The following PCCA variants were observed in gnomAD, a reference collection of about 807,000 sequenced individuals.
PCCA encodes the protein propionyl-CoA carboxylase subunit alpha.
A neutral mutation model predicts 101.3 loss-of-function variants in PCCA; 74 were observed. The observed-to-expected ratio is 0.73, with a 90% CI of 0.61 to 0.89. The LOEUF is 0.89. Among genes scored for constraint, PCCA ranks in the 40% least tolerant of loss-of-function variants. PCCA has a pLI of 0.00. For missense variants in PCCA, 891 were observed against 907.0 expected, an observed-to-expected ratio of 0.98 and a Z score of 0.23; for synonymous variants, 294 against 313.6, an observed-to-expected ratio of 0.94 and a Z score of 0.66.
intron 21 of PCCA, among the ~76,000 whole-genome samples, chr13:100,451,775 CCTCTCTGTCCT>C (rs1595954296): frequency 8.2e-6 from 1 of 121,818 alleles, no homozygotes; most frequent in East Asian, 3.2e-4. Flanking sequence ...CTCTTCCTCT[CCTCTCTGTCCT>C]CTTCCTCTCC....
chr13:100,140,602 A>G (rs1308129029), intron 4 of PCCA, among the ~76,000 whole-genome samples: 1 of 152,170 alleles, frequency 6.6e-6, no homozygotes, highest in Non-Finnish European at 1.5e-5. Context: ...GGAAAAGAAA[A>G]TGATAAAACT....
chr13:100,269,692 T>C (rs1202788316), intron 11 of PCCA, among the ~76,000 whole-genome samples: 2 of 152,228 alleles, frequency 1.3e-5, no homozygotes, highest in Non-Finnish European at 2.9e-5. Context: ...GTATAGCTTA[T>C]TGTAGCTTTA....
chr13:100,392,911 A>G (rs2076873161), intron 19 of PCCA, among the ~76,000 whole-genome samples: 1 of 143,602 alleles, frequency 7.0e-6, no homozygotes, highest in Admixed American at 6.7e-5. Flanking sequence ...CACCCAGGGA[A>G]GTGACTCACC....
intron 18 of PCCA, among the ~76,000 whole-genome samples, chr13:100,367,409 T>C (rs1011922261): frequency 3.9e-5 from 6 of 152,120 alleles, no homozygotes; most frequent in Admixed American, 6.5e-5. Context: ...TGTGTTTTAT[T>C]TCTCTGTGGT....
intron 19 of PCCA, among the ~76,000 whole-genome samples, chr13:100,408,338 T>G (rs2077812896): frequency 6.6e-6 from 1 of 152,208 alleles, no homozygotes; most frequent in Non-Finnish European, 1.5e-5. Flanking sequence ...TTAGCAAACT[T>G]TGTATCTGAC....
intron 19 of PCCA, among the ~76,000 whole-genome samples, chr13:100,377,229 G>A (rs2075972478): frequency 6.6e-6 from 1 of 152,202 alleles, no homozygotes; most frequent in African/African-American, 2.4e-5. Context: ...CTCGCGGGGA[G>A]CTACAGACCG....
chr13:100,093,160 CAT>C (rs35505501), intron 1 of PCCA, among the ~76,000 whole-genome samples: 68,042 of 151,752 alleles, frequency 0.45, 15,932 homozygotes, highest in East Asian at 0.69. Context: ...GGGCTGGAAA[CAT>C]AGTGTTTCAT....
chr13:100,350,666 T>C (rs1888839), intron 18 of PCCA, among the ~76,000 whole-genome samples: 1 of 152,056 alleles, frequency 6.6e-6, no homozygotes, highest in African/African-American at 2.4e-5. Context: ...GATCCTACTA[T>C]AAGAGCTGAG....
At chr13:100,393,822 C>T (rs1398796039) in intron 19 of PCCA, among the ~76,000 whole-genome samples, 2 of 152,182 alleles carry the variant, frequency 1.3e-5, no homozygotes, top group African/African-American at 4.8e-5. Context: ...TTAACCACTT[C>T]TACTTAGCAA....
At chr13:100,471,648 G>A (rs2083023701) in intron 21 of PCCA, among the ~76,000 whole-genome samples, 1 of 152,152 alleles carries the variant, frequency 6.6e-6, no homozygotes, top group Non-Finnish European at 1.5e-5. Flanking sequence ...TTTCTCTGTG[G>A]ATCTTCTCTG....
intron 6 of PCCA, among the ~76,000 whole-genome samples, chr13:100,188,465 G>T (rs1301415768): frequency 6.6e-6 from 1 of 152,172 alleles, no homozygotes; most frequent in Non-Finnish European, 1.5e-5. Context: ...CAATTGATGG[G>T]TATTTGGGCT....
rs837341 is a variant in PCCA at position 100,488,648 on chromosome 13, T to G, written c.1900-26779T>G. On this transcript the variant is annotated intron_variant, in intron 21 of 23. Transcript: ENST00000376285. ...TTTTTGTTTTGTTTTTTTTTTGTTT[T>G]TTTTTTTTAATTAGCTGGTGTGGTG... Among the ~76,000 whole-genome samples, 1,282 of 148,776 alleles carry G rather than the reference T, an allele frequency of 8.6e-3. 15 individuals are homozygous for G. Among genetic ancestry groups the G allele is most frequent in the African/African-American group, 0.03 (1,211 of 40,366 alleles).
chr13:100,303,443 C>G (rs2152686995), intron 14 of PCCA, among the ~76,000 whole-genome samples: 1 of 152,206 alleles, frequency 6.6e-6, no homozygotes, highest in Admixed American at 6.5e-5. Context: ...GTGCCTCAGT[C>G]TATTAAACCT....
At chr13:100,527,349 G>T in intron 22 of PCCA, 1 of 492,028 alleles carries the variant, frequency 2.0e-6, no homozygotes. Context: ...TTTCAGGTAA[G>T]TGGAAAACAT....
chr13:100,392,475 G>A (rs2076847248), intron 19 of PCCA, among the ~76,000 whole-genome samples: 1 of 152,162 alleles, frequency 6.6e-6, no homozygotes. Flanking sequence ...TAGGAAATGT[G>A]ATTTCAAATA....
chr13:100,107,091 C>G (rs1313513954), intron 2 of PCCA, among the ~76,000 whole-genome samples: 2 of 152,166 alleles, frequency 1.3e-5, no homozygotes, highest in African/African-American at 4.8e-5. Context: ...TAGACTTGGT[C>G]TTTGGTGTAA....
At chr13:100,144,144 G>A (rs12853977) in intron 4 of PCCA, among the ~76,000 whole-genome samples, 38,895 of 151,950 alleles carry the variant, frequency 0.26, 5,648 homozygotes, top group Middle Eastern at 0.46. Context: ...CTTGAGCTCC[G>A]TAACTGCTTT....
intron 21 of PCCA, among the ~76,000 whole-genome samples, chr13:100,457,133 CAA>C (rs1320327316): frequency 2.6e-5 from 4 of 152,116 alleles, no homozygotes; most frequent in African/African-American, 4.8e-5. Flanking sequence ...AGTAATGCAA[CAA>C]AGAGTAATAT....
At chr13:100,235,464 T>C (rs2060738587) in intron 7 of PCCA, among the ~76,000 whole-genome samples, 1 of 152,108 alleles carries the variant, frequency 6.6e-6, no homozygotes, top group South Asian at 2.1e-4. Flanking sequence ...TAGGAAAACA[T>C]GACACATAAT....
Sources: gnomAD v4.1 joint callset for allele counts (sites outside exome capture counted in the v4.1 genomes callset) on GRCh38, gnomAD v4.1.1 for gene constraint, MANE v1.5 for transcripts, NCBI Gene and HGNC (gene_info 2026-07-23, HGNC 2026-07-21) for gene names.